RBFOX1: variants seen among roughly 807,000 people sequenced by gnomAD.
RBFOX1 encodes RNA binding protein fox-1 homolog 1.
A neutral mutation model predicts 57.7 loss-of-function variants in RBFOX1; 8 were observed. The observed-to-expected ratio is 0.14, with a 90% CI of 0.08 to 0.25. RBFOX1 has a LOEUF of 0.25. Ranked by LOEUF, RBFOX1 falls within the 10% of genes least tolerant of loss-of-function variation. The pLI is 1.00. For missense variants in RBFOX1, 611 were observed against 548.5 expected (o/e 1.11, Z -1.14); for synonymous variants, 326 against 222.4 (o/e 1.47, Z -4.15).
chr16:7,525,273 A>T (rs1057247377), intron 5 of RBFOX1, among the ~76,000 whole-genome samples: 2 of 152,072 alleles, frequency 1.3e-5, no homozygotes, highest in African/African-American at 4.8e-5. Context: ...TATCATATTT[A>T]GGGGTTCAGT....
chr16:7,692,768 G>T (rs1021023186), intron 14 of RBFOX1, among the ~76,000 whole-genome samples: 2 of 151,840 alleles, frequency 1.3e-5, no homozygotes, highest in Non-Finnish European at 2.9e-5. Flanking sequence ...AAATAATTAG[G>T]GTTTATTTCA....
intron 2 of RBFOX1, among the ~76,000 whole-genome samples, chr16:6,397,549 G>A (rs1488719468): frequency 6.6e-6 from 1 of 152,120 alleles, no homozygotes; most frequent in Non-Finnish European, 1.5e-5. Context: ...GCTTTAAAGG[G>A]TATCTTCAGA....
intron 2 of RBFOX1, among the ~76,000 whole-genome samples, chr16:5,557,771 C>G (rs1057293045): frequency 5.9e-5 from 9 of 152,272 alleles, no homozygotes; most frequent in South Asian, 4.1e-4. Context: ...ACCTGAAGAC[C>G]CATGGCTGTA....
At chr16:5,476,736 G>A (rs899479718) in intron 2 of RBFOX1, among the ~76,000 whole-genome samples, 2 of 152,196 alleles carry the variant, frequency 1.3e-5, no homozygotes, top group African/African-American at 4.8e-5. Flanking sequence ...TCCTTTCCCT[G>A]CCTCTTGGGT....
At chr16:5,828,216 C>T (rs1187342364) in intron 3 of RBFOX1, among the ~76,000 whole-genome samples, 1 of 152,100 alleles carries the variant, frequency 6.6e-6, no homozygotes, top group African/African-American at 2.4e-5. Flanking sequence ...TCCACCCATT[C>T]ATCTGTCCAT....
intron 3 of RBFOX1, among the ~76,000 whole-genome samples, chr16:6,912,276 G>A (rs1487080645): frequency 6.6e-6 from 1 of 152,184 alleles, no homozygotes; most frequent in African/African-American, 2.4e-5. Flanking sequence ...TAAAATGAAG[G>A]TTGCTGTGCT....
intron 2 of RBFOX1, among the ~76,000 whole-genome samples, chr16:6,489,312 A>C (rs1247451756): frequency 6.6e-6 from 1 of 152,162 alleles, no homozygotes; most frequent in Admixed American, 6.6e-5. Context: ...AAGGTTTGGC[A>C]CATAGGTTTA....
chr16:7,445,078 A>G (rs1447430196), intron 4 of RBFOX1, among the ~76,000 whole-genome samples: 1 of 149,290 alleles, frequency 6.7e-6, no homozygotes, highest in Admixed American at 6.7e-5. Flanking sequence ...GCCCGGAAAA[A>G]TACTGTCTTG....
chr16:5,555,527 A>G (rs1357481997), intron 2 of RBFOX1, among the ~76,000 whole-genome samples: 5 of 151,538 alleles, frequency 3.3e-5, no homozygotes, highest in Non-Finnish European at 7.4e-5. Context: ...CTGGGATTAC[A>G]GGCATGAGCC....
At chr16:7,693,333 TGCA>T (rs1440446989) in intron 14 of RBFOX1, 10 of 1,613,382 alleles carry the variant, frequency 6.2e-6, no homozygotes, top group Non-Finnish European at 3.4e-6. Context: ...TCGTCTTCGT[TGCA>T]GCAGATGAAA....
chr16:6,946,651 G>A (rs951895675), intron 3 of RBFOX1, among the ~76,000 whole-genome samples: 11 of 147,140 alleles, frequency 7.5e-5, no homozygotes, highest in Non-Finnish European at 1.5e-4. Flanking sequence ...CACCCAGGCT[G>A]GAGTGCGGTA....
intron 4 of RBFOX1, among the ~76,000 whole-genome samples, chr16:7,374,940 T>G (rs1596793439): frequency 6.6e-6 from 1 of 152,222 alleles, no homozygotes; most frequent in South Asian, 2.1e-4. Flanking sequence ...CTTACAAATT[T>G]AAACGGAGCC....
chr16:7,030,345 C>T (rs1422986176), intron 3 of RBFOX1, among the ~76,000 whole-genome samples: 2 of 152,108 alleles, frequency 1.3e-5, no homozygotes, highest in African/African-American at 4.8e-5. Context: ...CCTAGCATTG[C>T]CATAAGTTAA....
intron 3 of RBFOX1, among the ~76,000 whole-genome samples, chr16:6,993,965 C>T (rs2091900596): frequency 6.6e-6 from 1 of 152,112 alleles, no homozygotes; most frequent in African/African-American, 2.4e-5. Flanking sequence ...AAAGATTATG[C>T]AGGGAAGAGG....
chr16:6,534,100 C>G (rs900572631), intron 2 of RBFOX1, among the ~76,000 whole-genome samples: 1 of 152,054 alleles, frequency 6.6e-6, no homozygotes. Flanking sequence ...TTCAGAGATG[C>G]TCATTGCATG....
chr16:6,650,642 T>C (rs1427222229), intron 2 of RBFOX1, among the ~76,000 whole-genome samples: 2 of 152,216 alleles, frequency 1.3e-5, no homozygotes, highest in African/African-American at 2.4e-5. Flanking sequence ...ACTTGACTGA[T>C]AGGAAAACAG....
At chr16:5,871,817 C>G (rs1265092330) in intron 4 of RBFOX1, among the ~76,000 whole-genome samples, 1 of 152,164 alleles carries the variant, frequency 6.6e-6, no homozygotes, top group Non-Finnish European at 1.5e-5. Flanking sequence ...GCAATGTAAA[C>G]TCAGTGGAGG....
At chr16:5,819,636 GA>G (rs1348806712) in intron 3 of RBFOX1, among the ~76,000 whole-genome samples, 8 of 152,212 alleles carry the variant, frequency 5.3e-5, no homozygotes, top group Non-Finnish European at 1.0e-4. Flanking sequence ...TGGACTACTT[GA>G]CATTTCCTAT....
chr16:7,692,473 T>C (rs922124889), intron 14 of RBFOX1, among the ~76,000 whole-genome samples: 1 of 152,148 alleles, frequency 6.6e-6, no homozygotes, highest in Non-Finnish European at 1.5e-5. Context: ...ATCTTGGTTC[T>C]TGGTGATCCA....
Sources: allele counts gnomAD v4.1 joint callset (sites outside exome capture counted in the v4.1 genomes callset), GRCh38; gene constraint gnomAD v4.1.1; transcripts MANE v1.5; gene names NCBI Gene and HGNC (gene_info 2026-07-23, HGNC 2026-07-21).